CYP27C1: variants seen among roughly 807,000 people sequenced by gnomAD.
The protein encoded by CYP27C1 is cytochrome P450 family 27 subfamily C member 1.
Under a neutral mutation model 40.6 loss-of-function variants are expected in CYP27C1, and 29 were observed. The observed-to-expected ratio is 0.71, with a 90% CI of 0.53 to 0.97. The LOEUF is 0.97. Ranked by LOEUF, CYP27C1 falls within the 50% of genes least tolerant of loss-of-function variation. The pLI, the probability that CYP27C1 is intolerant of heterozygous loss-of-function variation, is 0.00. For synonymous variants in CYP27C1, 198 were observed against 186.8 expected (o/e 1.06, Z -0.49); for missense variants, 390 against 485.8 (o/e 0.80, Z 1.85).
chr2:127,207,997 T>G (rs556596068), intron 1 of CYP27C1, among the ~76,000 whole-genome samples: 12 of 152,148 alleles, frequency 7.9e-5, no homozygotes, highest in Admixed American at 5.9e-4. Flanking sequence ...CATATGAAAA[T>G]GCAAGAGACC....
At chr2:127,204,529 GAA>G (rs1462661236) in intron 2 of CYP27C1, among the ~76,000 whole-genome samples, 1,099 of 41,672 alleles carry the variant, frequency 0.026, 112 homozygotes, top group East Asian at 0.063. Flanking sequence ...AAGAAAGAAA[GAA>G]AGAAAGAGAG....
intron 8 of CYP27C1, 120 bp downstream of exon 8, chr2:127,192,974 C>G (rs1212005136): frequency 7.7e-7 from 1 of 1,299,628 alleles, no homozygotes; most frequent in South Asian, 1.4e-5. Context: ...CAGTGCCTGA[C>G]GGCTCTTGAT....
intron 8 of CYP27C1, among the ~76,000 whole-genome samples, chr2:127,192,623 G>T (rs116464742): frequency 3.8e-5 from 3 of 79,304 alleles, no homozygotes; most frequent in Non-Finnish European, 6.0e-5. Flanking sequence ...CTTTCCCGGG[G>T]GGGGGGGCTG....
rs1682756518 is a variant in CYP27C1, at chr2:127,190,910, C to T, written c.1497+2184G>A. Among the ~76,000 whole-genome samples the T allele has an allele frequency of 2.9e-5, 4 of 139,122 alleles. No homozygotes were observed. The South Asian group carries it at 9.4e-4, about 33-fold the overall frequency. The allele number at this position is 139,122 out of a possible 152,430, so 91.3% of individuals were successfully genotyped here. A position where few individuals can be genotyped will look rare whatever the true frequency, so the allele number is the denominator to read the frequency against. ...GCAGCGACCCGAGATTGCGCCACTG[C>T]ACTCCAGCCTGGGTGACAGGGTGAG... On this transcript the variant is annotated intron_variant, in intron 8 of 8. Transcript: ENST00000664447.
rs1175171662 is a variant in CYP27C1 at position 127,207,199 on chromosome 2, T to TA, written c.283-1110dup. Among the ~76,000 whole-genome samples the TA allele has an allele frequency of 2.0e-5, 3 of 151,704 alleles. 1 individual carries two copies. Among genetic ancestry groups the TA allele is most frequent in the Admixed American group, 2.0e-4 (3 of 15,224 alleles). On this transcript the variant is annotated intron_variant, in intron 1 of 8. Coordinates refer to ENST00000664447, the MANE Select transcript of CYP27C1 (RefSeq NM_001367502.1). ...GGGCAACATGGCAAAATTCTGTCTC[T>TA]AAAAAAAATACATGGCTGGGTGCAA... is the stretch of plus-strand genomic sequence containing the variant.
At chr2:127,193,948 T>C (rs1272536894) in intron 6 of CYP27C1, 81 bp from the exon 7 acceptor site, 1 of 1,441,072 alleles carries the variant, frequency 6.9e-7, no homozygotes, top group Non-Finnish European at 9.6e-7. Context: ...CTGGATATAT[T>C]CCCATTTCCA....
At chr2:127,202,869 T>A (rs1169596441) in intron 3 of CYP27C1, among the ~76,000 whole-genome samples, 1 of 152,160 alleles carries the variant, frequency 6.6e-6, no homozygotes, top group Non-Finnish European at 1.5e-5. Flanking sequence ...GGGCAAGTTC[T>A]TTTTTAAGTC....
In CYP27C1 at chr2:127,219,138, A is replaced by G. The variant is rs1375375559; in HGVS notation, c.282+851T>C. On this transcript the variant is annotated intron_variant, in intron 1 of 8. Coordinates refer to ENST00000664447, the MANE Select transcript of CYP27C1 (RefSeq NM_001367502.1). The surrounding 1 kb of genome is among the most constrained non-coding windows in gnomAD (Gnocchi z 8.7). Reference sequence around the variant, plus strand: ...TCTTCCCCCGCCATTACAAAATACAAAAAGGACTAGAAATGAATACACACG... The same window carrying G: ...TCTTCCCCCGCCATTACAAAATACAGAAAGGACTAGAAATGAATACACACG... Among the ~76,000 whole-genome samples the G allele has an allele frequency of 2.6e-5, 4 of 152,042 alleles. No homozygotes were observed. Among genetic ancestry groups the G allele is most frequent in the Non-Finnish European group, 5.9e-5 (4 of 67,982 alleles).
At chr2:127,204,475 AGAAAGAAAGAAAGGAAGGAAG>A (rs1558931009) in intron 2 of CYP27C1, among the ~76,000 whole-genome samples, 6 of 82,742 alleles carry the variant, frequency 7.3e-5, no homozygotes, top group Non-Finnish European at 1.5e-4. Context: ...AAAGAAAGAA[AGAAAGAAAGAAAGGAAGGAAG>A]GAAGGAAGGA....
At chr2:127,187,848 G>A (rs1225877933) in intron 8 of CYP27C1, among the ~76,000 whole-genome samples, 1 of 152,296 alleles carries the variant, frequency 6.6e-6, no homozygotes, top group East Asian at 1.9e-4. Context: ...TGAATCCTCC[G>A]AAAGACTTCA....
chr2:127,213,200 T>A (rs754952854), intron 1 of CYP27C1, among the ~76,000 whole-genome samples: 2 of 151,956 alleles, frequency 1.3e-5, no homozygotes, highest in Admixed American at 6.6e-5. Context: ...ATTCCATCCT[T>A]ATGGATAGGA....
intron 8 of CYP27C1, among the ~76,000 whole-genome samples, chr2:127,191,693 G>A (rs1175656763): frequency 6.6e-6 from 1 of 152,210 alleles, no homozygotes; most frequent in South Asian, 2.1e-4. Context: ...GACGTGACAG[G>A]CTCAGCTCAG....
chr2:127,207,144 C>T (rs1435478199), intron 1 of CYP27C1, among the ~76,000 whole-genome samples: 2 of 151,956 alleles, frequency 1.3e-5, no homozygotes, highest in Non-Finnish European at 2.9e-5. Flanking sequence ...GTGGGTGGAT[C>T]GCTAGAGCAC....
At chr2:127,211,576 G>T (rs1477238139) in intron 1 of CYP27C1, among the ~76,000 whole-genome samples, 1 of 151,468 alleles carries the variant, frequency 6.6e-6, no homozygotes, top group South Asian at 2.1e-4. Flanking sequence ...TAGTAGAGAC[G>T]GGGTTTCACC....
chr2:127,203,473 A>G lies in CYP27C1; in HGVS notation c.572T>C (p.Ile191Thr). 6.2e-7 allele frequency: 1 copy of G among 1,614,100 alleles called. No individual in the cohort carries two copies. Among genetic ancestry groups the G allele is most frequent in the Non-Finnish European group, 8.5e-7 (1 of 1,180,020 alleles). Reference protein sequence around the residue: ...AIYSGEVNQVIADLIKRIYLL... With the variant: ...AIYSGEVNQVTADLIKRIYLL... ...GTAGATTCTTTTAATTAAGTCAGCA[A>G]TAACTTGGTTGACTTCTCCAGAATA... The change falls in exon 3 of 9, where the codon ATT (isoleucine) becomes ACT (threonine). Residue 191 changes from isoleucine (I) to threonine (T), a missense_variant. Coordinates refer to ENST00000664447, the MANE Select transcript of CYP27C1 (RefSeq NM_001367502.1).
In CYP27C1 at chr2:127,211,372, T is replaced by G. The variant is rs1220102763; in HGVS notation, c.283-5282A>C. Among the ~76,000 whole-genome samples, 12 of 83,470 alleles carry G rather than the reference T, an allele frequency of 1.4e-4. No homozygotes were observed. In the East Asian group the frequency reaches 1.5e-3, roughly 10 times the overall value. The allele number at this position is 83,470 out of a possible 152,430, so 54.8% of individuals were successfully genotyped here. A position where few individuals can be genotyped will look rare whatever the true frequency, so the allele number is the denominator to read the frequency against. On this transcript the variant is annotated intron_variant, in intron 1 of 8. Transcript: ENST00000664447. ...ACAGCTAAAGCAGTGTTTTTTTGTT[T>G]TTTTTTTTTTTTTTTTTTTTTTTTT...
chr2:127,209,327 CA>C lies in CYP27C1; in HGVS notation c.283-3238del, dbSNP rs1345192104. 1.3e-5 allele frequency among the ~76,000 whole-genome samples: 2 copies of C among 151,984 alleles called. No homozygotes were observed. Among genetic ancestry groups the C allele is most frequent in the Non-Finnish European group, 2.9e-5 (2 of 67,984 alleles). On this transcript the variant is annotated intron_variant, in intron 1 of 8. Coordinates refer to ENST00000664447, the MANE Select transcript of CYP27C1 (RefSeq NM_001367502.1). This position sits in a 1 kb window ranked among gnomAD's most constrained non-coding sequence, Gnocchi z 4.1. ...ACAACAACAGCATTGATAACAACAACAAAAAAAGGCCCCCACAAAAACCCCA... is the reference window on the plus strand; with the variant it reads ...ACAACAACAGCATTGATAACAACAACAAAAAAGGCCCCCACAAAAACCCCA...
In CYP27C1 at chr2:127,187,016, T is replaced by C. The variant is rs950790404; in HGVS notation, c.*255A>G. ...TAGCACAATGTATGAAGCATAAAAA[T>C]TCACTGCCACTGGTTTTTAAACAGC... is the stretch of plus-strand genomic sequence containing the variant. On this transcript the variant is annotated 3_prime_UTR_variant, in exon 9 of 9. Coordinates refer to ENST00000664447, the MANE Select transcript of CYP27C1 (RefSeq NM_001367502.1). 13 of 452,162 alleles carry C rather than the reference T, an allele frequency of 2.9e-5. No individual in the cohort carries two copies. The highest frequency in any genetic ancestry group is 4.4e-5 in the Non-Finnish European group (11 of 248,510). 28.0% of individuals were successfully genotyped at this position (452,162 alleles called of 1,614,324 possible).
At chr2:127,203,260 G>T in intron 3 of CYP27C1, 112 bp downstream of exon 3, 1 of 1,231,350 alleles carries the variant, frequency 8.1e-7, no homozygotes, top group Non-Finnish European at 1.1e-6. Context: ...ATGCATGTAT[G>T]TCCCAGACTT....
Sources: allele counts gnomAD v4.1 joint callset (sites outside exome capture counted in the v4.1 genomes callset), GRCh38; gene constraint gnomAD v4.1.1; non-coding constraint Gnocchi (gnomAD v3.1); transcripts MANE v1.5; gene names NCBI Gene and HGNC (gene_info 2026-07-23, HGNC 2026-07-21).